The following C10orf67 variants were observed in gnomAD, a reference collection of about 807,000 sequenced individuals.
C10orf67 encodes the protein uncharacterized protein C10orf67, mitochondrial.
C10orf67 carries 60 observed loss-of-function variants against 35.6 expected under a neutral mutation model. That is an observed-to-expected ratio of 1.68 (90% confidence interval 1.37 to 2.09). C10orf67 has a LOEUF of 2.09. C10orf67 is among the 30% of genes most tolerant of loss of function. C10orf67 has a pLI of 0.00. For missense variants in C10orf67, 474 were observed against 330.2 expected (o/e 1.44, Z -3.38); for synonymous variants, 167 against 115.8 (o/e 1.44, Z -2.84).
At chr10:23,329,812 A>AAAAAAAAAAAG (rs905791499) in intron 2 of C10orf67, among the ~76,000 whole-genome samples, 5 of 148,502 alleles carry the variant, frequency 3.4e-5, no homozygotes, top group African/African-American at 1.3e-4. Context: ...AAAAAAAAAA[A>AAAAAAAAAAAG]AAAAGAAAAG....
intron 4 of C10orf67, among the ~76,000 whole-genome samples, chr10:23,314,483 A>AACACACACACACACAC (rs56043614): frequency 2.2e-5 from 3 of 135,836 alleles, no homozygotes; most frequent in African/African-American, 8.3e-5. Flanking sequence ...ATTAAGTTAA[A>AACACACACACACACAC]ACACACACAC....
At chr10:23,272,758 G>A (rs1036874712) in intron 8 of C10orf67, among the ~76,000 whole-genome samples, 1 of 152,172 alleles carries the variant, frequency 6.6e-6, no homozygotes, top group Non-Finnish European at 1.5e-5. Context: ...TTAGGATTGT[G>A]TTTAATCTAT....
At chr10:23,333,235 A>G (rs1845550534) in intron 1 of C10orf67, 53 bp from the exon 2 acceptor site, 1 of 1,465,066 alleles carries the variant, frequency 6.8e-7, no homozygotes, top group Non-Finnish European at 9.4e-7. Flanking sequence ...TTTCTTAGAA[A>G]TAGATGTTAA....
chr10:23,252,791 T>A (rs1842491141), intron 10 of C10orf67, among the ~76,000 whole-genome samples: 1 of 152,232 alleles, frequency 6.6e-6, no homozygotes, highest in Admixed American at 6.5e-5. Flanking sequence ...ACTTTGAGTC[T>A]CAGGTACCCA....
chr10:23,302,750 C>T (rs1844127433), intron 5 of C10orf67, among the ~76,000 whole-genome samples: 1 of 152,160 alleles, frequency 6.6e-6, no homozygotes. Context: ...CTTCTTTCTG[C>T]CTTCTCAGTC....
intron 12 of C10orf67, among the ~76,000 whole-genome samples, chr10:23,247,530 G>A (rs1007077331): frequency 1.3e-5 from 2 of 152,042 alleles, no homozygotes; most frequent in Non-Finnish European, 2.9e-5. Context: ...TGATGAAATC[G>A]CCTAATGACA....
chr10:23,222,107 G>T (rs1841598715), intron 15 of C10orf67, among the ~76,000 whole-genome samples: 1 of 152,102 alleles, frequency 6.6e-6, no homozygotes, highest in African/African-American at 2.4e-5. Flanking sequence ...AGGCAAAAAA[G>T]TGAGCTAATA....
chr10:23,244,067 T>C (rs1588610526), intron 12 of C10orf67, among the ~76,000 whole-genome samples: 1 of 152,098 alleles, frequency 6.6e-6, no homozygotes, highest in Non-Finnish European at 1.5e-5. Flanking sequence ...AATTTTTTTA[T>C]TTTTTGTATA....
At chr10:23,317,225 G>A (rs545401302) in intron 4 of C10orf67, 19 of 152,492 alleles carry the variant, frequency 1.2e-4, no homozygotes, top group African/African-American at 4.6e-4. Flanking sequence ...ACACACACCT[G>A]GCTGGGTCAT....
intron 13 of C10orf67, among the ~76,000 whole-genome samples, chr10:23,225,972 TCA>T (rs966585220): frequency 1.3e-5 from 2 of 151,742 alleles, no homozygotes; most frequent in Non-Finnish European, 2.9e-5. Flanking sequence ...AGACTTAGAC[TCA>T]CACACAATAA....
intron 2 of C10orf67, among the ~76,000 whole-genome samples, chr10:23,323,944 T>TACAC (rs1845079582): frequency 1.6e-5 from 1 of 63,808 alleles, no homozygotes; most frequent in African/African-American, 5.3e-5. Context: ...TATATATATA[T>TACAC]ATATATATAC....
Position 23,284,114 on chromosome 10 carries a change from T to TTA in C10orf67, c.910-2037_910-2036insTA, listed in dbSNP as rs1843453973. On this transcript the variant is annotated intron_variant, in intron 7 of 15. Coordinates refer to ENST00000636213, the MANE Select transcript of C10orf67 (RefSeq NM_001371909.1). ...CCTGTTTTTAAGTGCATCCAGGGCTTAAAAAAAAAAAAAAAAGGGTGGGGG... is the reference window on the plus strand; with the variant it reads ...CCTGTTTTTAAGTGCATCCAGGGCTTTAAAAAAAAAAAAAAAAAGGGTGGGGG... Among the ~76,000 whole-genome samples the TTA allele has an allele frequency of 5.1e-5, 7 of 137,550 alleles. No individual in the cohort carries two copies. The South Asian group carries it at 1.4e-3, about 28-fold the overall frequency. 90.2% of individuals were successfully genotyped at this position (137,550 alleles called of 152,430 possible).
chr10:23,250,415 C>A (rs1040603229), intron 12 of C10orf67, 40 bp downstream of exon 12: 5 of 398,078 alleles, frequency 1.3e-5, no homozygotes. Flanking sequence ...GATGATTAGT[C>A]ATGTTTTTAG....
At chr10:23,328,104 T>C (rs369463751) in intron 2 of C10orf67, among the ~76,000 whole-genome samples, 4 of 152,130 alleles carry the variant, frequency 2.6e-5, no homozygotes, top group African/African-American at 9.7e-5. Flanking sequence ...ATTTCAAAGT[T>C]TGTAGGAGCT....
intron 2 of C10orf67, among the ~76,000 whole-genome samples, chr10:23,324,067 T>C: frequency 6.7e-6 from 1 of 149,218 alleles, no homozygotes. Context: ...CTCTCTCTGC[T>C]CACCTCCTCA....
intron 7 of C10orf67, among the ~76,000 whole-genome samples, chr10:23,288,582 AT>A (rs1166946332): frequency 6.6e-6 from 1 of 152,106 alleles, no homozygotes; most frequent in Non-Finnish European, 1.5e-5. Context: ...CATGTATCCC[AT>A]TTTTTTAGAA....
intron 13 of C10orf67, among the ~76,000 whole-genome samples, chr10:23,239,399 C>T (rs1004262735): frequency 6.6e-6 from 1 of 152,040 alleles, no homozygotes; most frequent in African/African-American, 2.4e-5. Flanking sequence ...TGATATTTCC[C>T]AATATTACAT....
chr10:23,310,250 AAAAACC>A (rs1309629871), intron 4 of C10orf67, among the ~76,000 whole-genome samples: 1 of 152,234 alleles, frequency 6.6e-6, no homozygotes, highest in African/African-American at 2.4e-5. Flanking sequence ...GGAAGAAAGC[AAAAACC>A]AAAACCAAAA....
rs138300731 is a variant in C10orf67, at chr10:23,324,069, ACCT to A, written c.328-1535_328-1533del. Reference sequence around the variant, plus strand: ...ATTCACCCTTGAGCTCTCTCTGCTCACCTCCTCACCAGCACCCGAGTGGCTGTA... The same window carrying A: ...ATTCACCCTTGAGCTCTCTCTGCTCACCTCACCAGCACCCGAGTGGCTGTA... On this transcript the variant is annotated intron_variant, in intron 2 of 15. Coordinates refer to ENST00000636213, the MANE Select transcript of C10orf67 (RefSeq NM_001371909.1). Among the ~76,000 whole-genome samples the A allele has an allele frequency of 3.8e-3, 570 of 148,750 alleles. 4 individuals are homozygous for A. The highest frequency in any genetic ancestry group is 0.014 in the African/African-American group (547 of 40,372).
Sources: gnomAD v4.1 joint callset for allele counts (sites outside exome capture counted in the v4.1 genomes callset) on GRCh38, gnomAD v4.1.1 for gene constraint, MANE v1.5 for transcripts, NCBI Gene and HGNC (gene_info 2026-07-23, HGNC 2026-07-21) for gene names.